PLCB4: variants seen among roughly 807,000 people sequenced by gnomAD.
PLCB4 encodes the protein 1-phosphatidylinositol 4,5-bisphosphate phosphodiesterase beta-4.
A neutral mutation model predicts 178.8 loss-of-function variants in PLCB4; 77 were observed. That is an observed-to-expected ratio of 0.43 (90% CI 0.36 to 0.52). The LOEUF (loss-of-function observed/expected upper bound fraction) is 0.52. Ranked by LOEUF, PLCB4 falls within the 20% of genes least tolerant of loss-of-function variation. PLCB4 has a pLI of 0.00. For synonymous variants in PLCB4, 496 were observed against 490.8 expected, an observed-to-expected ratio of 1.01 and a Z score of -0.14; for missense variants, 1,024 against 1,453.4, an observed-to-expected ratio of 0.70 and a Z score of 4.80.
intron 3 of PLCB4, among the ~76,000 whole-genome samples, chr20:9,227,694 T>C (rs1174501143): frequency 6.6e-6 from 1 of 152,180 alleles, no homozygotes; most frequent in African/African-American, 2.4e-5. Flanking sequence ...CCTATACTTA[T>C]GTCACTGACA....
At chr20:9,170,529 A>C (rs2093046856) in intron 2 of PLCB4, among the ~76,000 whole-genome samples, 1 of 152,144 alleles carries the variant, frequency 6.6e-6, no homozygotes, top group Non-Finnish European at 1.5e-5. Flanking sequence ...TCTGGATATA[A>C]AGAAAAAAAA....
chr20:9,369,118 T>C (rs1011717241), intron 9 of PLCB4, among the ~76,000 whole-genome samples: 6 of 152,196 alleles, frequency 3.9e-5, no homozygotes, highest in African/African-American at 1.4e-4. Context: ...AAAGATTCAA[T>C]TTCTGTGTAG....
At chr20:9,107,236 GTACTATT>G (rs1448413554) in intron 2 of PLCB4, among the ~76,000 whole-genome samples, 1 of 152,128 alleles carries the variant, frequency 6.6e-6, no homozygotes, top group African/African-American at 2.4e-5. Flanking sequence ...GTCTGTTGTG[GTACTATT>G]CTAGGAGCTG....
At chr20:9,270,716 G>A (rs185585119) in intron 3 of PLCB4, among the ~76,000 whole-genome samples, 36 of 151,738 alleles carry the variant, frequency 2.4e-4, no homozygotes, top group Admixed American at 2.0e-3. Context: ...TCCTGGGTAG[G>A]ATCAAGAAAA....
intron 4 of PLCB4, among the ~76,000 whole-genome samples, chr20:9,322,620 T>C (rs917670304): frequency 6.6e-6 from 1 of 152,178 alleles, no homozygotes; most frequent in Non-Finnish European, 1.5e-5. Flanking sequence ...CAACTTTTCT[T>C]CTCCCAAGTA....
chr20:9,222,218 A>C (rs1290551852), intron 3 of PLCB4, among the ~76,000 whole-genome samples: 1 of 151,844 alleles, frequency 6.6e-6, no homozygotes, highest in Admixed American at 6.6e-5. Context: ...ACCTCCTAAG[A>C]GGCTGGGACT....
chr20:9,222,940 C>T (rs1003784653), intron 3 of PLCB4, among the ~76,000 whole-genome samples: 4 of 152,168 alleles, frequency 2.6e-5, no homozygotes, highest in Non-Finnish European at 5.9e-5. Flanking sequence ...CTGATCTGTC[C>T]TTGAGGTGCT....
intron 4 of PLCB4, among the ~76,000 whole-genome samples, chr20:9,315,070 C>T (rs1327913732): frequency 6.6e-6 from 1 of 152,006 alleles, no homozygotes; most frequent in Non-Finnish European, 1.5e-5. Flanking sequence ...TGTGGTGAAA[C>T]CCCGTCTACA....
intron 7 of PLCB4, among the ~76,000 whole-genome samples, chr20:9,359,737 A>G (rs967949819): frequency 1.3e-5 from 2 of 152,166 alleles, no homozygotes; most frequent in Middle Eastern, 3.2e-3. Context: ...CACTATGTAG[A>G]TGATTACCAC....
chr20:9,131,999 T>G (rs7261603), intron 2 of PLCB4, among the ~76,000 whole-genome samples: 1,813 of 152,266 alleles, frequency 0.012, 44 homozygotes, highest in African/African-American at 0.042. Flanking sequence ...AACTCCCAAC[T>G]GACTGCAGTC....
rs1444103807 is a variant in PLCB4 at position 9,408,577 on chromosome 20, T to C, written c.1790-56T>C. The C allele has an allele frequency of 7.3e-6, 6 of 825,986 alleles. No homozygotes were observed. In the East Asian group the frequency reaches 1.3e-4, roughly 17 times the overall value. 51.2% of individuals were successfully genotyped at this position (825,986 alleles called of 1,614,324 possible). ...TAATTGCATTTATTTATTGCTGTTT[T>C]TCGGTGAGGGTTTGATGGCAGAGTT... On this transcript the variant is annotated intron_variant, in intron 22 of 39. Coordinates refer to ENST00000378473, the MANE Select transcript of PLCB4 (RefSeq NM_001377142.1).
chr20:9,374,691 C>T (rs912429507), intron 12 of PLCB4, among the ~76,000 whole-genome samples: 2 of 152,132 alleles, frequency 1.3e-5, no homozygotes, highest in African/African-American at 4.8e-5. Context: ...TGAAGCAACT[C>T]TTAGGTCTTG....
chr20:9,115,423 ACTT>A (rs79657878), intron 2 of PLCB4, among the ~76,000 whole-genome samples: 1 of 149,496 alleles, frequency 6.7e-6, no homozygotes, highest in Admixed American at 6.8e-5. Context: ...GATTTTTAAA[ACTT>A]CTTCTTCTTT....
At chr20:9,477,386 C>T (rs1044315026) in intron 39 of PLCB4, among the ~76,000 whole-genome samples, 1 of 152,142 alleles carries the variant, frequency 6.6e-6, no homozygotes, top group African/African-American at 2.4e-5. Context: ...TGAATGGTCA[C>T]CCAACTCATA....
rs558923225 is a variant in PLCB4 at position 9,480,793 on chromosome 20, A to G, written c.*1784A>G. ...AAATTATGGTTAATAAAATATCACC[A>G]CATTTGGATTGCCAATTTTCAAAGA... On this transcript the variant is annotated 3_prime_UTR_variant, in exon 40 of 40. Transcript: ENST00000378473. 1 of 152,330 alleles carries G rather than the reference A, an allele frequency of 6.6e-6. No homozygotes were observed. Among genetic ancestry groups the G allele is most frequent in the East Asian group, 1.9e-4 (1 of 5,180 alleles). 9.4% of individuals were successfully genotyped at this position (152,330 alleles called of 1,614,324 possible). A position where few individuals can be genotyped will look rare whatever the true frequency, so the allele number is the denominator to read the frequency against.
rs1443574979 is a variant in PLCB4 at position 9,267,260 on chromosome 20, T to C, written c.-15-40540T>C. Among the ~76,000 whole-genome samples, 3 of 152,220 alleles carry C rather than the reference T, an allele frequency of 2.0e-5. No individual in the cohort carries two copies. In the South Asian group the frequency reaches 6.2e-4, roughly 32 times the overall value. Reference sequence around the variant, plus strand: ...ACATTTCTTCAACCATTTTGTCAACTAGGACATTATATCAACTTGTAACTT... The same window carrying C: ...ACATTTCTTCAACCATTTTGTCAACCAGGACATTATATCAACTTGTAACTT... On this transcript the variant is annotated intron_variant, in intron 3 of 39. Coordinates refer to ENST00000378473, the MANE Select transcript of PLCB4 (RefSeq NM_001377142.1).
At chr20:9,340,170 A>G (rs959804104) in intron 7 of PLCB4, among the ~76,000 whole-genome samples, 11 of 152,152 alleles carry the variant, frequency 7.2e-5, no homozygotes, top group Middle Eastern at 3.2e-3. Context: ...TTTTAGAGCT[A>G]ACAGGAAATG....
intron 2 of PLCB4, among the ~76,000 whole-genome samples, chr20:9,191,236 T>C (rs2093398797): frequency 6.6e-6 from 1 of 151,986 alleles, no homozygotes; most frequent in African/African-American, 2.4e-5. Flanking sequence ...AATTCATACA[T>C]TGGAACTTAA....
At chr20:9,311,987 A>T (rs2094839964) in intron 4 of PLCB4, among the ~76,000 whole-genome samples, 1 of 152,290 alleles carries the variant, frequency 6.6e-6, no homozygotes, top group African/African-American at 2.4e-5. Flanking sequence ...TCATATAGGT[A>T]CATGGGCCTA....
Sources: gnomAD v4.1 joint callset for allele counts (sites outside exome capture counted in the v4.1 genomes callset) on GRCh38, gnomAD v4.1.1 for gene constraint, MANE v1.5 for transcripts, NCBI Gene and HGNC (gene_info 2026-07-23, HGNC 2026-07-21) for gene names.